TNKS2: variants seen among roughly 807,000 people sequenced by gnomAD.
The protein encoded by TNKS2 is poly [ADP-ribose] polymerase tankyrase-2.
In TNKS2, 72 loss-of-function variants were observed where a neutral mutation model predicts 137.6. The observed-to-expected ratio is 0.52, with a 90% CI of 0.43 to 0.64. TNKS2 has a LOEUF of 0.64. TNKS2 is among the 30% of genes least tolerant of loss of function. The pLI is 0.00. For missense variants in TNKS2, 1,049 were observed against 1,410.2 expected (o/e 0.74, Z 4.10); for synonymous variants, 516 against 512.1 (o/e 1.01, Z -0.10).
Position 91,842,326 on chromosome 10 carries a change from C to T in TNKS2, c.1994C>T (p.Ser665Phe). 1 of 1,614,148 alleles carries T rather than the reference C, an allele frequency of 6.2e-7. No homozygotes were observed. Among genetic ancestry groups the T allele is most frequent in the African/African-American group, 1.3e-5 (1 of 75,050 alleles). Residue 665 changes from serine (S) to phenylalanine (F), a missense_variant, in exon 16 of 27, where the codon TCT becomes TTT. Ser to Phe is a radical substitution (Grantham distance 155, BLOSUM62 -2). Transcript: ENST00000371627. Reference sequence around the variant, plus strand: ...TGTTTAGCCAGAGTGAAGAAGTTGTCTTCTCCTGATAATGTAAATTGCCGC... The same window carrying T: ...TGTTTAGCCAGAGTGAAGAAGTTGTTTTCTCCTGATAATGTAAATTGCCGC... ...KGCLARVKKL[S>F]SPDNVNCRDT...
chr10:91,801,077 G>A (rs1844152321), intron 1 of TNKS2, among the ~76,000 whole-genome samples: 1 of 152,290 alleles, frequency 6.6e-6, no homozygotes, highest in East Asian at 1.9e-4. Flanking sequence ...GCTGATTAAA[G>A]TTTGGAGATT....
At chr10:91,835,276 C>CTTTTTTTTTTTTTTTTTTTTCTTT (rs934593143) in intron 12 of TNKS2, among the ~76,000 whole-genome samples, 1 of 141,352 alleles carries the variant, frequency 7.1e-6, no homozygotes, top group African/African-American at 2.6e-5. Flanking sequence ...GCCCATTTCT[C>CTTTTTTTTTTTTTTTTTTTTCTTT]TTTTTTTTCT....
At chr10:91,801,664 G>GTT (rs201192007) in intron 1 of TNKS2, among the ~76,000 whole-genome samples, 4,379 of 152,178 alleles carry the variant, frequency 0.029, 194 homozygotes, top group East Asian at 0.21. Context: ...AGTAGAGACA[G>GTT]GGTTTCAACA....
intron 26 of TNKS2, 90 bp downstream of exon 26, chr10:91,862,245 C>T (rs1029913705): frequency 7.6e-6 from 8 of 1,055,234 alleles, no homozygotes; most frequent in Non-Finnish European, 3.8e-6. Context: ...AGACATATTG[C>T]CTTAACTGGA....
intron 26 of TNKS2, 146 bp downstream of exon 26, chr10:91,862,301 AC>A: frequency 3.3e-6 from 2 of 604,982 alleles, no homozygotes; most frequent in South Asian, 3.8e-5. Flanking sequence ...TTGGAAAGTT[AC>A]AAAAATAGTA....
At chr10:91,821,526 C>T (rs1385050421) in intron 6 of TNKS2, among the ~76,000 whole-genome samples, 1 of 152,072 alleles carries the variant, frequency 6.6e-6, no homozygotes, top group Non-Finnish European at 1.5e-5. Context: ...CAGAGTTTGG[C>T]ATGATGGTGG....
At chr10:91,837,060 CT>C (rs1169608107) in intron 13 of TNKS2, 62 bp downstream of exon 13, 5 of 1,537,724 alleles carry the variant, frequency 3.3e-6, no homozygotes, top group Non-Finnish European at 4.4e-6. Context: ...GTTATTTAAT[CT>C]GTACTGTTAC....
rs756667579 is a variant in TNKS2, at chr10:91,848,655, T to C, written c.2611+20T>C. On this transcript the variant is annotated intron_variant, in intron 19 of 26. Transcript: ENST00000371627. ...AGGAGGGTGAGACGTTCTACAAAAA[T>C]AACTTTCTAACTGGTATTGTAGCCC... is the stretch of plus-strand genomic sequence containing the variant. 3.1e-6 allele frequency: 5 copies of C among 1,611,788 alleles called. 1 individual carries two copies. The highest frequency in any genetic ancestry group is 4.2e-6 in the Non-Finnish European group (5 of 1,178,692).
chr10:91,848,695 G>C (rs955487054), intron 19 of TNKS2, 60 bp downstream of exon 19: 10 of 1,573,254 alleles, frequency 6.4e-6, no homozygotes, highest in East Asian at 4.5e-5. Flanking sequence ...TTTGTCATTT[G>C]GGATGCTAAA....
Position 91,821,844 on chromosome 10 carries a change from G to T in TNKS2, c.729-452G>T, listed in dbSNP as rs74151743. On this transcript the variant is annotated intron_variant, in intron 6 of 26. Transcript: ENST00000371627. ...TAAGTTTAATATACCATTATTGAAG[G>T]GTAAGCCTAGAGAGGGAGCCAGATA... Among the ~76,000 whole-genome samples the T allele has an allele frequency of 3.6e-3, 543 of 152,262 alleles. 3 individuals are homozygous for T. The highest frequency in any genetic ancestry group is 0.012 in the African/African-American group (501 of 41,538).
chr10:91,843,622 C>T (rs1842279845), intron 16 of TNKS2, among the ~76,000 whole-genome samples: 1 of 152,196 alleles, frequency 6.6e-6, no homozygotes, highest in Admixed American at 6.5e-5. Flanking sequence ...GGTTTCAGTA[C>T]AGCTTTTTCA....
chr10:91,865,009 C>T lies in TNKS2; in HGVS notation c.*2010C>T, dbSNP rs1314653801. 5.3e-5 allele frequency: 8 copies of T among 152,258 alleles called. No individual in the cohort carries two copies. In the Admixed American group the frequency reaches 5.3e-4, roughly 10 times the overall value. 9.4% of individuals were successfully genotyped at this position (152,258 alleles called of 1,614,324 possible). A position where few individuals can be genotyped will look rare whatever the true frequency, so the allele number is the denominator to read the frequency against. On this transcript the variant is annotated 3_prime_UTR_variant, in exon 27 of 27. Coordinates refer to ENST00000371627, the MANE Select transcript of TNKS2 (RefSeq NM_025235.4). ...TTCCATGAATGAATATACCGTGGTTCATATGTTAGCATGGCAGCATTTTCA... is the reference window on the plus strand; with the variant it reads ...TTCCATGAATGAATATACCGTGGTTTATATGTTAGCATGGCAGCATTTTCA...
intron 7 of TNKS2, among the ~76,000 whole-genome samples, chr10:91,826,645 T>C (rs945723298): frequency 4.6e-5 from 7 of 152,198 alleles, no homozygotes; most frequent in Admixed American, 2.6e-4. Context: ...GTGTCTTGTA[T>C]CTTGATTTGG....
At chr10:91,848,091 A>G (rs1393861082) in intron 18 of TNKS2, among the ~76,000 whole-genome samples, 1 of 152,162 alleles carries the variant, frequency 6.6e-6, no homozygotes, top group Admixed American at 6.5e-5. Flanking sequence ...TTGAAATATT[A>G]TACTCAAGCA....
intron 1 of TNKS2, among the ~76,000 whole-genome samples, chr10:91,799,262 A>G (rs1281528710): frequency 6.6e-6 from 1 of 152,228 alleles, no homozygotes; most frequent in Admixed American, 6.5e-5. Flanking sequence ...TTAAAAGGTC[A>G]GTTACCTCCA....
chr10:91,806,500 C>G (rs2133588482), intron 1 of TNKS2, among the ~76,000 whole-genome samples: 1 of 152,200 alleles, frequency 6.6e-6, no homozygotes, highest in South Asian at 2.1e-4. Context: ...CATTCATACA[C>G]TCAAATAAAT....
intron 18 of TNKS2, among the ~76,000 whole-genome samples, chr10:91,846,301 C>T (rs1012600586): frequency 1.3e-5 from 2 of 152,212 alleles, no homozygotes; most frequent in South Asian, 2.1e-4. Flanking sequence ...GTCTTACACA[C>T]GGCCCCAACT....
At chr10:91,845,720 T>G (rs765075432) in intron 17 of TNKS2, 32 bp from the exon 18 acceptor site, 2 of 1,418,324 alleles carry the variant, frequency 1.4e-6, no homozygotes, top group East Asian at 4.9e-5. Flanking sequence ...CAAAATAATA[T>G]TTCAGACTGT....
At position 91,851,264 on chromosome 10, in the gene TNKS2, A is replaced by G. The variant is rs1842530716; in HGVS notation, c.2743A>G (p.Ile915Val). The stretch of plus-strand genomic sequence containing the variant: ...GATGGGGCACAAGGAGCTGAAGGAG[A>G]TTGGAATCAATGCTTATGGACATAG... The part of the protein sequence containing the change: ...VEMGHKELKE[I>V]GINAYGHRHK... Residue 915 changes from isoleucine to valine, a missense_variant, in exon 21 of 27, where the codon ATT becomes GTT. Coordinates refer to ENST00000371627, the MANE Select transcript of TNKS2 (RefSeq NM_025235.4). 2 of 1,613,226 alleles carry G rather than the reference A, an allele frequency of 1.2e-6. No homozygotes were observed. Among genetic ancestry groups the G allele is most frequent in the African/African-American group, 1.3e-5 (1 of 74,996 alleles).
Sources: allele counts gnomAD v4.1 joint callset (sites outside exome capture counted in the v4.1 genomes callset), GRCh38; gene constraint gnomAD v4.1.1; transcripts MANE v1.5; gene names NCBI Gene and HGNC (gene_info 2026-07-23, HGNC 2026-07-21).